Variants in CCL26 observed in about 807,000 individuals in gnomAD.
CCL26 encodes C-C motif chemokine 26.
A neutral mutation model predicts 10.7 loss-of-function variants in CCL26; 10 were observed. That is an observed-to-expected ratio of 0.93 (90% confidence interval 0.57 to 1.58). The LOEUF is 1.58. Ranked by LOEUF, CCL26 falls within the 40% of genes most tolerant of loss-of-function variation. The pLI is 0.00. For synonymous variants in CCL26, 43 were observed against 41.4 expected (o/e 1.04, Z -0.15); for missense variants, 116 against 111.0 (o/e 1.05, Z -0.20).
chr7:75,778,986 T>G (rs1327727168), intron 1 of CCL26, among the ~76,000 whole-genome samples: 1 of 152,250 alleles, frequency 6.6e-6, no homozygotes, highest in East Asian at 1.9e-4. Flanking sequence ...TGGCCTGAAG[T>G]AACTGAAGAA....
At chr7:75,775,494 A>G (rs543592860), upstream of CCL26, among the ~76,000 whole-genome samples, 3 of 152,264 alleles carry the variant, frequency 2.0e-5, no homozygotes, top group African/African-American at 7.2e-5. Flanking sequence ...CAGAGGCAGC[A>G]ACGCAAGGGG....
chr7:75,784,975 G>A (rs1554529826), intron 1 of CCL26, among the ~76,000 whole-genome samples: 1 of 152,072 alleles, frequency 6.6e-6, no homozygotes, highest in African/African-American at 2.4e-5. Context: ...GTTACAGCAT[G>A]GGCTTCTAAA....
intron 1 of CCL26, among the ~76,000 whole-genome samples, chr7:75,778,100 G>A (rs556854973): frequency 6.6e-6 from 1 of 152,270 alleles, no homozygotes; most frequent in African/African-American, 2.4e-5. Context: ...TTGCCTATTT[G>A]AACTTTCTGA....
chr7:75,773,675 A>G (rs1802877660), upstream of CCL26, among the ~76,000 whole-genome samples: 1 of 151,904 alleles, frequency 6.6e-6, no homozygotes, highest in African/African-American at 2.4e-5. Context: ...CAGGAGGTTG[A>G]GATCAGCCTG....
chr7:75,781,273 C>G (rs112740420), intron 1 of CCL26, among the ~76,000 whole-genome samples: 1 of 152,232 alleles, frequency 6.6e-6, no homozygotes, highest in African/African-American at 2.4e-5. Flanking sequence ...AGAGTAGAGG[C>G]AGCCAAGTAG....
At chr7:75,784,900 G>A (rs570065864) in intron 1 of CCL26, among the ~76,000 whole-genome samples, 73 of 151,890 alleles carry the variant, frequency 4.8e-4, no homozygotes, top group African/African-American at 1.5e-3. Context: ...CCCTTACACC[G>A]CTCAACGGCA....
At position 75,789,096 on chromosome 7, in the gene CCL26, A is replaced by ATTTT. The variant is rs527793902; in HGVS notation, c.-79+617_-79+620dup. Among the ~76,000 whole-genome samples the ATTTT allele has an allele frequency of 7.5e-4, 83 of 110,884 alleles. 2 individuals are homozygous for ATTTT. Among genetic ancestry groups the ATTTT allele is most frequent in the African/African-American group, 2.6e-3 (75 of 28,746 alleles). The allele number at this position is 110,884 out of a possible 152,430, so 72.7% of individuals were successfully genotyped here. A position where few individuals can be genotyped will look rare whatever the true frequency, so the allele number is the denominator to read the frequency against. ...ACCACCGTGCCCAGTTCATTTTTTG[A>ATTTT]TTTTTTTTTTTTTTTTTGTAGAGAT... On this transcript the variant is annotated intron_variant, in intron 1 of 3. Coordinates refer to the CCL26 transcript ENST00000394905.
upstream of CCL26, among the ~76,000 whole-genome samples, chr7:75,775,384 T>A (rs1383231033): frequency 3.3e-5 from 5 of 152,186 alleles, no homozygotes; most frequent in African/African-American, 1.2e-4. Flanking sequence ...TTTCAGTTCC[T>A]CCAGCAGGCC....
upstream of CCL26, among the ~76,000 whole-genome samples, chr7:75,775,048 C>T (rs894429703): frequency 2.0e-5 from 3 of 151,928 alleles, no homozygotes; most frequent in Non-Finnish European, 2.9e-5. Context: ...GGTGAAACTC[C>T]GTCTCTACCA....
intron 1 of CCL26, among the ~76,000 whole-genome samples, chr7:75,777,967 G>A (rs538201795): frequency 2.0e-5 from 3 of 151,818 alleles, no homozygotes; most frequent in South Asian, 4.2e-4. Flanking sequence ...TGATTCACCC[G>A]CCTCGGCCTC....
chr7:75,776,076 T>TC (rs1282027587), upstream of CCL26, among the ~76,000 whole-genome samples: 2 of 145,400 alleles, frequency 1.4e-5, no homozygotes, highest in African/African-American at 5.1e-5. Context: ...CTCTTTTTTT[T>TC]TTTTTTTTTT....
rs1554529194 is a variant in CCL26, at chr7:75,779,838, C to G, written c.-78-7584G>C. Among the ~76,000 whole-genome samples, 3 of 152,194 alleles carry G rather than the reference C, an allele frequency of 2.0e-5. No homozygotes were observed. In the South Asian group the frequency reaches 6.2e-4, roughly 32 times the overall value. On this transcript the variant is annotated intron_variant, in intron 1 of 3. Transcript: ENST00000394905. ...ATTGCAGCCCAGGGCTGCTCCCCAC[C>G]CCTTCTCTCTGTGTCTCTATCCCTT...
intron 1 of CCL26, among the ~76,000 whole-genome samples, chr7:75,778,953 T>G (rs1448855161): frequency 1.3e-5 from 2 of 152,080 alleles, no homozygotes; most frequent in Non-Finnish European, 2.9e-5. Flanking sequence ...ATATCCCCAG[T>G]GACCTGCACG....
upstream of CCL26, among the ~76,000 whole-genome samples, chr7:75,776,701 G>T (rs1411113947): frequency 3.3e-5 from 5 of 152,090 alleles, no homozygotes; most frequent in African/African-American, 1.2e-4. Context: ...AAAGCAACTT[G>T]GTTTTATTAG....
chr7:75,781,273 C>A (rs112740420), intron 1 of CCL26, among the ~76,000 whole-genome samples: 344 of 152,348 alleles, frequency 2.3e-3, no homozygotes, highest in Non-Finnish European at 3.5e-3. Flanking sequence ...AGAGTAGAGG[C>A]AGCCAAGTAG....
chr7:75,782,214 A>G (rs1803080420), intron 1 of CCL26, among the ~76,000 whole-genome samples: 1 of 152,162 alleles, frequency 6.6e-6, no homozygotes. Context: ...TGGTACAGAC[A>G]AAGGAGACAC....
At chr7:75,782,338 T>C (rs1803083826) in intron 1 of CCL26, among the ~76,000 whole-genome samples, 1 of 152,156 alleles carries the variant, frequency 6.6e-6, no homozygotes, top group Non-Finnish European at 1.5e-5. Context: ...CACGTTGCAT[T>C]GGTGTCTGAT....
chr7:75,771,828 C>T, intron 2 of CCL26, 61 bp downstream of exon 2: 3 of 1,045,916 alleles, frequency 2.9e-6, no homozygotes, highest in Non-Finnish European at 4.5e-6. Context: ...GGGGTCTGCC[C>T]AGCACCCATC....
chr7:75,777,823 C>CTTT (rs112719253), intron 1 of CCL26, among the ~76,000 whole-genome samples: 5 of 137,044 alleles, frequency 3.6e-5, no homozygotes, highest in African/African-American at 1.3e-4. Context: ...CAAAACTAAT[C>CTTT]TTTTTTTTTT....
Sources: gnomAD v4.1 joint callset for allele counts (sites outside exome capture counted in the v4.1 genomes callset) on GRCh38, gnomAD v4.1.1 for gene constraint, MANE v1.5 for transcripts, NCBI Gene and HGNC (gene_info 2026-07-23, HGNC 2026-07-21) for gene names.